GNL3L: variants seen among roughly 807,000 people sequenced by gnomAD.
GNL3L encodes G protein nucleolar 3 like.
A neutral mutation model predicts 42.9 loss-of-function variants in GNL3L; 4 were observed. That is an observed-to-expected ratio of 0.09 (90% CI 0.05 to 0.21). The LOEUF is 0.21. Ranked by LOEUF, GNL3L falls within the 10% of genes least tolerant of loss-of-function variation. GNL3L has a pLI of 1.00. For missense variants in GNL3L, 412 were observed against 481.7 expected, an observed-to-expected ratio of 0.86 and a Z score of 1.36; for synonymous variants, 159 against 176.3, an observed-to-expected ratio of 0.90 and a Z score of 0.78.
At chrX:54,548,849 C>T (rs1924847618) in intron 9 of GNL3L, among the ~76,000 whole-genome samples, 1 of 111,064 alleles carries the variant, frequency 9.0e-6, no homozygotes, top group African/African-American at 3.3e-5. Flanking sequence ...GTGAGAAAGA[C>T]ATTGGAGAGA....
downstream of GNL3L, among the ~76,000 whole-genome samples, chrX:54,569,460 A>G (rs1021872534): frequency 6.0e-4 from 67 of 112,135 alleles, no homozygotes; most frequent in African/African-American, 2.0e-3. Flanking sequence ...AGTTTATCAA[A>G]TTAATTTTTG....
the GNL3L span, among the ~76,000 whole-genome samples, chrX:54,628,085 G>A: frequency 1.8e-5 from 2 of 110,753 alleles, no homozygotes; most frequent in African/African-American, 6.6e-5. Context: ...CCAATTTTAA[G>A]TGAGAACATA....
Position 54,563,203 on chromosome X carries a change from T to C in GNL3L, c.*2601T>C. 9.0e-6 allele frequency among the ~76,000 whole-genome samples: 1 copy of C among 111,445 alleles called. No individual in the cohort carries two copies. The highest frequency in any genetic ancestry group is 2.8e-4 in the East Asian group (1 of 3,546). On this transcript the variant is annotated 3_prime_UTR_variant, in exon 16 of 16. Transcript: ENST00000360845. ...TGCAACCATACAGCGTTTCATAATT[T>C]AGCATTTAAAATACAGACAGTCCCC...
downstream of GNL3L, among the ~76,000 whole-genome samples, chrX:54,621,820 A>C (rs1926289476): frequency 9.0e-6 from 1 of 110,793 alleles, no homozygotes; most frequent in African/African-American, 3.3e-5. Context: ...AAAATAAATA[A>C]ATAATTGTAG....
chrX:54,616,815 T>C (rs1163876033), intron 16 of GNL3L, among the ~76,000 whole-genome samples: 1 of 111,712 alleles, frequency 9.0e-6, no homozygotes. Flanking sequence ...CCATAAATAG[T>C]ATGAGCTTGT....
Position 54,567,238 on chromosome X carries a change from TAGAC to T in GNL3L, c.*6638_*6641del, listed in dbSNP as rs1925458187. Reference sequence around the variant, plus strand: ...TGCAGATTTAACCAGACTTTCTACATAGACAATCATATCTTCTGTGAATAAACAT... The same window carrying T: ...TGCAGATTTAACCAGACTTTCTACATAATCATATCTTCTGTGAATAAACAT... On this transcript the variant is annotated 3_prime_UTR_variant, in exon 16 of 16. Coordinates refer to ENST00000360845, the MANE Select transcript of GNL3L (RefSeq NM_001184819.2). Among the ~76,000 whole-genome samples the T allele has an allele frequency of 8.9e-6, 1 of 112,128 alleles. No individual in the cohort carries two copies. The highest frequency in any genetic ancestry group is 3.2e-5 in the African/African-American group (1 of 30,912).
downstream of GNL3L, among the ~76,000 whole-genome samples, chrX:54,623,412 G>A (rs1314017907): frequency 9.0e-6 from 1 of 111,508 alleles, no homozygotes; most frequent in East Asian, 2.8e-4. Context: ...TTATAGGCAT[G>A]TGCCACTACA....
intron 1 of GNL3L, among the ~76,000 whole-genome samples, chrX:54,531,685 A>G (rs1345852597): frequency 2.7e-5 from 3 of 111,515 alleles, no homozygotes; most frequent in African/African-American, 9.8e-5. Flanking sequence ...AAAGCTGCAT[A>G]GTTGTGGAAT....
chrX:54,552,018 T>C (rs1255157933), intron 12 of GNL3L, 44 bp downstream of exon 12: 20 of 1,179,734 alleles, frequency 1.7e-5, no homozygotes, highest in Non-Finnish European at 2.3e-5. Flanking sequence ...GCTGGCAGCC[T>C]GGCTCCCCAA....
chrX:54,535,152 C>A (rs1341924840), intron 2 of GNL3L, among the ~76,000 whole-genome samples: 1 of 111,783 alleles, frequency 8.9e-6, no homozygotes. Context: ...GCAGTCTCGC[C>A]CTGTCACCCG....
Position 54,546,672 on chromosome X carries a change from G to A in GNL3L, c.631-1557G>A, listed in dbSNP as rs1253557318. 2.7e-5 allele frequency among the ~76,000 whole-genome samples: 3 copies of A among 111,810 alleles called. No homozygotes were observed. The East Asian group carries it at 8.4e-4, about 31-fold the overall frequency. On this transcript the variant is annotated intron_variant, in intron 8 of 15. Coordinates refer to ENST00000360845, the MANE Select transcript of GNL3L (RefSeq NM_001184819.2). ...AAATTTAAATTTTTGTTGAGATGGA[G>A]TTTCACTCTTGTTGCCCAGGCCGGA...
At chrX:54,602,866 A>T (rs1167854602) in intron 16 of GNL3L, among the ~76,000 whole-genome samples, 2 of 111,690 alleles carry the variant, frequency 1.8e-5, no homozygotes, top group East Asian at 5.6e-4. Flanking sequence ...TTTGAGGTGG[A>T]TTCTTCCCCA....
the GNL3L span, among the ~76,000 whole-genome samples, chrX:54,638,240 A>T: frequency 9.0e-6 from 1 of 111,279 alleles, no homozygotes; most frequent in Non-Finnish European, 1.9e-5. Flanking sequence ...ATTTACTGAC[A>T]AGATCCTGGG....
intron 9 of GNL3L, among the ~76,000 whole-genome samples, chrX:54,550,311 G>A (rs968530645): frequency 9.1e-6 from 1 of 109,918 alleles, no homozygotes; most frequent in South Asian, 4.0e-4. Flanking sequence ...AGAGAGGTGT[G>A]CAGAGGCTTC....
chrX:54,576,531 G>A (rs1925636648), intron 16 of GNL3L, among the ~76,000 whole-genome samples: 1 of 111,004 alleles, frequency 9.0e-6, no homozygotes, highest in Non-Finnish European at 1.9e-5. Flanking sequence ...CCAGGCTGGA[G>A]TTCAGTGACA....
chrX:54,645,351 G>C, the GNL3L span, among the ~76,000 whole-genome samples: 1 of 111,615 alleles, frequency 9.0e-6, no homozygotes, highest in African/African-American at 3.3e-5. Flanking sequence ...GAAATATAGA[G>C]TATAAAAAGT....
At chrX:54,553,548 GT>G (rs1289549198) in intron 13 of GNL3L, among the ~76,000 whole-genome samples, 1 of 109,405 alleles carries the variant, frequency 9.1e-6, no homozygotes, top group African/African-American at 3.3e-5. Context: ...TCCTCTTTTT[GT>G]TTTTTTTTGA....
chrX:54,576,877 CCTT>C (rs945452077), intron 16 of GNL3L, among the ~76,000 whole-genome samples: 16 of 111,614 alleles, frequency 1.4e-4, no homozygotes, highest in Non-Finnish European at 2.3e-4. Context: ...TTAAATCCCG[CCTT>C]CTTTTTTGTT....
At position 54,594,287 on chromosome X, in the gene GNL3L, G is replaced by A. The variant is rs1042034755; in HGVS notation, c.*46-26558G>A. Among the ~76,000 whole-genome samples, 4 of 111,287 alleles carry A rather than the reference G, an allele frequency of 3.6e-5. No homozygotes were observed. In the Admixed American group the frequency reaches 3.8e-4, roughly 11 times the overall value. ...TTGCTTTATATATCTGAATGCTCCA[G>A]TGTTGAGTGCCTATATATTTAAAAT... On this transcript the variant is annotated intron_variant, in intron 16 of 16. Transcript: ENST00000674498.
Sources: allele counts gnomAD v4.1 joint callset (sites outside exome capture counted in the v4.1 genomes callset), GRCh38; gene constraint gnomAD v4.1.1; transcripts MANE v1.5; gene names NCBI Gene and HGNC (gene_info 2026-07-23, HGNC 2026-07-21).